MKNK2: variants seen among roughly 807,000 people sequenced by gnomAD.
MKNK2 encodes MAPK interacting serine/threonine kinase 2, also known as MAP kinase-interacting serine/threonine-protein kinase 2.
In MKNK2, 54 loss-of-function variants were observed where a neutral mutation model predicts 55.0. The ratio of observed to expected loss-of-function variants is 0.98; its 90% CI spans 0.79 to 1.23. The LOEUF is 1.23. Ranked by LOEUF, MKNK2 falls within the 50% of genes most tolerant of loss-of-function variation. MKNK2 has a pLI of 0.00. For missense variants in MKNK2, 685 were observed against 632.1 expected (o/e 1.08, Z -0.90); for synonymous variants, 323 against 256.0 (o/e 1.26, Z -2.50).
chr19:2,038,965 G>C lies in MKNK2; in HGVS notation c.*648C>G, dbSNP rs1397589623. The C allele has an allele frequency of 1.0e-6, 1 of 985,424 alleles. No individual in the cohort carries two copies. The highest frequency in any genetic ancestry group is 1.7e-5 in the African/African-American group (1 of 57,164). The allele number at this position is 985,424 out of a possible 1,614,324, so 61.0% of individuals were successfully genotyped here. A position where few individuals can be genotyped will look rare whatever the true frequency, so the allele number is the denominator to read the frequency against. ...ACAGACGGGCCTTGCAGGAAGCCCC[G>C]ATTGTCAACTATCATGGGGACAAGG... On this transcript the variant is annotated 3_prime_UTR_variant, in exon 14 of 14. Coordinates refer to ENST00000250896, the MANE Select transcript of MKNK2 (RefSeq NM_199054.3).
rs770770812 is a variant in MKNK2, at chr19:2,040,160, G to A, written c.1128C>T (p.Thr376=). ...PWVQGCAPEN[T]LPTPMVLQRN... ...TCTGCAGGACCATGGGAGTGGGCAA[G>A]GTGTTCTCCGGGGCGCACTGCAACG... The change falls in exon 13 of 14, where the codon ACC becomes ACT. Residue 376 remains threonine (T), a synonymous_variant. Transcript: ENST00000250896. 1 of 1,591,222 alleles carries A rather than the reference G, an allele frequency of 6.3e-7. No homozygotes were observed. Among genetic ancestry groups the A allele is most frequent in the East Asian group, 2.3e-5 (1 of 44,100 alleles).
intron 5 of MKNK2, among the ~76,000 whole-genome samples, 200 bp downstream of exon 5, chr19:2,045,986 C>G (rs1487822899): frequency 6.6e-6 from 1 of 152,218 alleles, no homozygotes; most frequent in Non-Finnish European, 1.5e-5. Flanking sequence ...GGCACAGTGC[C>G]TCTGTCTGAA....
In MKNK2 at chr19:2,046,358, C is replaced by A. The variant is rs1018499719; in HGVS notation, c.241+9G>T. The A allele has an allele frequency of 1.9e-6, 3 of 1,606,642 alleles. No homozygotes were observed. The highest frequency in any genetic ancestry group is 2.5e-6 in the Non-Finnish European group (3 of 1,179,638). On this transcript the variant is annotated intron_variant, in intron 4 of 13. Transcript: ENST00000250896. ...CCCGGCTCCCCCAATGCCCGCCATC[C>A]CCGCTCACCTTCAAACCTGCCCGAG...
chr19:2,042,539 G>A lies in MKNK2; in HGVS notation c.655-17C>T. The A allele has an allele frequency of 6.3e-7, 1 of 1,587,004 alleles. No individual in the cohort carries two copies. Among genetic ancestry groups the A allele is most frequent in the Non-Finnish European group, 8.6e-7 (1 of 1,167,834 alleles). ...GGGGGAGACCTGGGAGGGGCCAAAA[G>A]GTCCGTGAGCCTGGGGTCCCACGCG... On this transcript the variant is annotated splice_polypyrimidine_tract_variant and intron_variant, in intron 9 of 13. Transcript: ENST00000250896.
intron 10 of MKNK2, 47 bp downstream of exon 10, chr19:2,042,380 C>T (rs1192958682): frequency 2.0e-6 from 3 of 1,510,954 alleles, no homozygotes; most frequent in Non-Finnish European, 2.7e-6. Context: ...GGTTATGCAA[C>T]CGCAGAGCAG....
Position 2,046,178 on chromosome 19 carries a change from G to T in MKNK2, c.339+8C>A. On this transcript the variant is annotated splice_region_variant and intron_variant, in intron 5 of 13. Coordinates refer to ENST00000250896, the MANE Select transcript of MKNK2 (RefSeq NM_199054.3). ...CGCTGGGTTCCCCAGGGCGCGGCGC[G>T]GGCCCACCTTGACGGCGTACTCCTG... is the stretch of plus-strand genomic sequence containing the variant. 6.2e-7 allele frequency: 1 copy of T among 1,607,646 alleles called. No individual in the cohort carries two copies.
intron 13 of MKNK2, 59 bp from the exon 14 acceptor site, chr19:2,039,915 G>T: frequency 6.5e-7 from 1 of 1,542,984 alleles, no homozygotes; most frequent in Admixed American, 1.8e-5. Context: ...GGACCCCTGG[G>T]GTCTGTGAAG....
chr19:2,049,164 G>A (rs981909296), intron 2 of MKNK2, among the ~76,000 whole-genome samples: 4 of 152,298 alleles, frequency 2.6e-5, no homozygotes, highest in East Asian at 1.9e-4. Context: ...CAGGCACCAC[G>A]AGACTCCGCG....
In MKNK2 at chr19:2,038,845, G is replaced by A. The variant is rs1238880114; in HGVS notation, c.*768C>T. ...GGGGCTCCTGCTGTCTCAGGCCTTG[G>A]TGTGGAGGGGAGGGGCAGCGGCGAG... is the stretch of plus-strand genomic sequence containing the variant. On this transcript the variant is annotated 3_prime_UTR_variant, in exon 14 of 14. Coordinates refer to ENST00000250896, the MANE Select transcript of MKNK2 (RefSeq NM_199054.3). The A allele has an allele frequency of 3.0e-6, 3 of 985,822 alleles. No individual in the cohort carries two copies. The highest frequency in any genetic ancestry group is 3.6e-6 in the Non-Finnish European group (3 of 830,014). The allele number at this position is 985,822 out of a possible 1,614,324, so 61.1% of individuals were successfully genotyped here.
At chr19:2,043,330 C>T in intron 6 of MKNK2, 133 bp from the exon 7 acceptor site, 1 of 992,398 alleles carries the variant, frequency 1.0e-6, no homozygotes, top group Non-Finnish European at 1.6e-6. Flanking sequence ...GGCAATAGGC[C>T]AGCTTCACAC....
At position 2,039,557 on chromosome 19, in the gene MKNK2, A is replaced by C; in HGVS notation, c.*56T>G. ...ACACCGGCTGGCGATAGCTTAAAAAACCTTTAGATTTGATTGGGGGACGGG... is the reference window on the plus strand; with the variant it reads ...ACACCGGCTGGCGATAGCTTAAAAACCCTTTAGATTTGATTGGGGGACGGG... On this transcript the variant is annotated 3_prime_UTR_variant, in exon 14 of 14. Transcript: ENST00000250896. 6 of 1,550,508 alleles carry C rather than the reference A, an allele frequency of 3.9e-6. No homozygotes were observed. The South Asian group carries it at 7.0e-5, about 18-fold the overall frequency.
rs941554336 is a variant in MKNK2, at chr19:2,043,380, G to C, written c.419+123C>G. The C allele has an allele frequency of 1.1e-5, 12 of 1,067,038 alleles. No homozygotes were observed. The African/African-American group carries it at 1.9e-4, about 17-fold the overall frequency. The allele number at this position is 1,067,038 out of a possible 1,614,324, so 66.1% of individuals were successfully genotyped here. A position where few individuals can be genotyped will look rare whatever the true frequency, so the allele number is the denominator to read the frequency against. On this transcript the variant is annotated intron_variant, in intron 6 of 13. Coordinates refer to ENST00000250896, the MANE Select transcript of MKNK2 (RefSeq NM_199054.3). ...TGTCAGCCAGCCTGCTTCAGGGAGG[G>C]GAATGCAGGGCCTGGGAAACTGGGT...
In MKNK2 at chr19:2,046,263, C is replaced by T. The variant is rs1275961720; in HGVS notation, c.262G>A (p.Asp88Asn). ...GCATGAGCGCCCTCCCCCAGCACATCTTCCTGCAGCTGGTAGACGTCTGCC... is the reference window on the plus strand; with the variant it reads ...GCATGAGCGCCCTCCCCCAGCACATTTTCCTGCAGCTGGTAGACGTCTGCC... ...RFEDVYQLQE[D>N]VLGEGAHARV... The change falls in exon 5 of 14, where the codon GAT becomes AAT. Residue 88 changes from aspartate to asparagine, a missense_variant. Physicochemically the swap from Asp to Asn is conservative, Grantham distance 23. Coordinates refer to ENST00000250896, the MANE Select transcript of MKNK2 (RefSeq NM_199054.3). 3 of 1,605,154 alleles carry T rather than the reference C, an allele frequency of 1.9e-6. No individual in the cohort carries two copies. Among genetic ancestry groups the T allele is most frequent in the East Asian group, 2.2e-5 (1 of 44,880 alleles).
chr19:2,037,726 TC>T lies in MKNK2; in HGVS notation c.*1886del, dbSNP rs761381448. The T allele has an allele frequency of 2.4e-5, 37 of 1,558,430 alleles. No individual in the cohort carries two copies. Among genetic ancestry groups the T allele is most frequent in the Non-Finnish European group, 3.2e-5 (37 of 1,146,132 alleles). ...ATGGGAGCTGGCCTGGGGCCCAGGGTCCTCCAGGATCTTCACTCATTCACAG... is the reference window on the plus strand; with the variant it reads ...ATGGGAGCTGGCCTGGGGCCCAGGGTCTCCAGGATCTTCACTCATTCACAG... On this transcript the variant is annotated 3_prime_UTR_variant, in exon 14 of 14. Coordinates refer to ENST00000250896, the MANE Select transcript of MKNK2 (RefSeq NM_199054.3).
rs778860610 is a variant in MKNK2, at chr19:2,041,008, C to T, written c.1110+32G>A. On this transcript the variant is annotated intron_variant, in intron 12 of 13. Coordinates refer to ENST00000250896, the MANE Select transcript of MKNK2 (RefSeq NM_199054.3). ...GAGGCCACCCTGCAGCGCCCCCATA[C>T]CCCTCCTGCCGCCCGTGCGGCTGGT... 1.1e-5 allele frequency: 17 copies of T among 1,611,596 alleles called. No homozygotes were observed. The African/African-American group carries it at 2.1e-4, about 20-fold the overall frequency.
chr19:2,041,285 C>A, intron 11 of MKNK2, 81 bp from the exon 12 acceptor site: 1 of 1,468,208 alleles, frequency 6.8e-7, no homozygotes, highest in East Asian at 2.3e-5. Flanking sequence ...CCAACCGGAC[C>A]CCAACCAGGC....
At chr19:2,043,975 CAAAAAAAAAA>C (rs34533507) in intron 5 of MKNK2, among the ~76,000 whole-genome samples, 7 of 23,850 alleles carry the variant, frequency 2.9e-4, no homozygotes, top group South Asian at 4.4e-3. Flanking sequence ...GACTTCGCCT[CAAAAAAAAAA>C]AAAAAAAAAA....
Position 2,039,432 on chromosome 19 carries a change from C to T in MKNK2, c.*181G>A, listed in dbSNP as rs534434781. The T allele has an allele frequency of 1.4e-6, 2 of 1,388,232 alleles. No individual in the cohort carries two copies. The highest frequency in any genetic ancestry group is 3.0e-5 in the African/African-American group (2 of 66,054). 86.0% of individuals were successfully genotyped at this position (1,388,232 alleles called of 1,614,324 possible). A position where few individuals can be genotyped will look rare whatever the true frequency, so the allele number is the denominator to read the frequency against. On this transcript the variant is annotated 3_prime_UTR_variant, in exon 14 of 14. Coordinates refer to ENST00000250896, the MANE Select transcript of MKNK2 (RefSeq NM_199054.3). Reference sequence around the variant, plus strand: ...AAAAAATAACGGGGAGGGGTGGAAACAGGAAAAAAAAAACCCAAAAGCAAA... The same window carrying T: ...AAAAAATAACGGGGAGGGGTGGAAATAGGAAAAAAAAAACCCAAAAGCAAA...
intron 13 of MKNK2, 105 bp downstream of exon 13, chr19:2,040,029 T>C: frequency 7.0e-7 from 1 of 1,424,468 alleles, no homozygotes; most frequent in Non-Finnish European, 9.7e-7. Flanking sequence ...CAGGCTTGCC[T>C]GCCTCCCCGA....
Sources: gnomAD v4.1 joint callset for allele counts (sites outside exome capture counted in the v4.1 genomes callset) on GRCh38, gnomAD v4.1.1 for gene constraint, MANE v1.5 for transcripts, NCBI Gene and HGNC (gene_info 2026-07-23, HGNC 2026-07-21) for gene names.